The following PI4KA variants were observed in gnomAD, a reference collection of about 807,000 sequenced individuals.
The protein encoded by PI4KA is phosphatidylinositol 4-kinase alpha, also known as PI4-kinase alpha.
In PI4KA, 122 loss-of-function variants were observed where a neutral mutation model predicts 271.4. The observed-to-expected ratio is 0.45, with a 90% CI of 0.39 to 0.52. The LOEUF (loss-of-function observed/expected upper bound fraction) is 0.52. Among genes scored for constraint, PI4KA ranks in the 20% least tolerant of loss-of-function variants. PI4KA has a pLI of 0.00. For missense variants in PI4KA, 1,969 were observed against 2,769.1 expected, an observed-to-expected ratio of 0.71 and a Z score of 6.48; for synonymous variants, 1,041 against 1,078.8, an observed-to-expected ratio of 0.96 and a Z score of 0.69.
rs121912420 is a variant in PI4KA at position 20,786,951 on chromosome 22, C to T, written c.2328+6242G>A. 4.3e-6 allele frequency: 7 copies of T among 1,613,988 alleles called. No individual in the cohort carries two copies. In the Admixed American group the frequency reaches 5.0e-5, roughly 12 times the overall value. ...ACTGTGACCACGGTGGGGTTCATGC[C>T]GCTGTCCACCCAAGTCCGCTTCACT... On this transcript the variant is annotated intron_variant, in intron 19 of 54. Transcript: ENST00000255882.
intron 32 of PI4KA, among the ~76,000 whole-genome samples, chr22:20,739,122 G>A (rs2147272337): frequency 6.6e-6 from 1 of 151,240 alleles, no homozygotes; most frequent in South Asian, 2.1e-4. Context: ...GAGGCGGGCG[G>A]ATCACAAGGT....
chr22:20,838,660 A>G lies in PI4KA; in HGVS notation c.228T>C (p.Asp76=), dbSNP rs754135152. The change falls in exon 2 of 55, where the codon GAT becomes GAC. Residue 76 remains aspartate (D), a synonymous_variant. Transcript: ENST00000255882. ...GAAAAATGCCCAATGCAATCACTGC[A>G]TCTCTCCGTCTTTCATCTAACTGGA... is the stretch of plus-strand genomic sequence containing the variant. ...GIFQLDERRR[D]AVIALGIFLI... is the part of the protein sequence containing the mutation. The G allele has an allele frequency of 1.9e-6, 3 of 1,613,010 alleles. No homozygotes were observed. Among genetic ancestry groups the G allele is most frequent in the African/African-American group, 2.7e-5 (2 of 74,926 alleles).
chr22:20,756,653 C>T lies in PI4KA; in HGVS notation c.2792-3473G>A, dbSNP rs535955642. ...ATTAAAAAAAATTTTTTTTTTGAGA[C>T]GTAGTCTTGCTCTGTTGCCCAGGCT... On this transcript the variant is annotated intron_variant, in intron 23 of 54. Coordinates refer to ENST00000255882, the MANE Select transcript of PI4KA (RefSeq NM_058004.4). 1.8e-4 allele frequency among the ~76,000 whole-genome samples: 27 copies of T among 149,868 alleles called. 1 individual carries two copies. The highest frequency in any genetic ancestry group is 2.8e-4 in the Non-Finnish European group (19 of 67,340).
At position 20,840,046 on chromosome 22, in the gene PI4KA, C is replaced by T. The variant is rs371709866; in HGVS notation, c.157-1315G>A. ...CAAAGCCTATGTACTTTGCTCTGTC[C>T]TATGCAATACTTTATCAATACCCTG... On this transcript the variant is annotated intron_variant, in intron 1 of 54. Transcript: ENST00000255882. 2.0e-4 allele frequency among the ~76,000 whole-genome samples: 30 copies of T among 152,250 alleles called. No homozygotes were observed. The East Asian group carries it at 5.0e-3, about 25-fold the overall frequency.
chr22:20,746,061 A>ATT (rs58307079), intron 29 of PI4KA, among the ~76,000 whole-genome samples: 4 of 71,606 alleles, frequency 5.6e-5, no homozygotes, highest in East Asian at 4.1e-4. Flanking sequence ...AAAAAAAAGA[A>ATT]TTTTTTTTTT....
intron 43 of PI4KA, among the ~76,000 whole-genome samples, chr22:20,720,779 T>C (rs568997526): frequency 1.3e-5 from 2 of 152,298 alleles, no homozygotes; most frequent in South Asian, 2.1e-4. Flanking sequence ...TTGGGGAAAG[T>C]TATTTTCCCA....
intron 19 of PI4KA, among the ~76,000 whole-genome samples, chr22:20,791,830 G>A (rs1441372744): frequency 6.6e-6 from 1 of 152,190 alleles, no homozygotes; most frequent in Non-Finnish European, 1.5e-5. Context: ...GCCGGGCGCG[G>A]CAGCTCATAC....
rs1483536075 is a variant in PI4KA, at chr22:20,751,617, GC to G, written c.3069+56del. 3.6e-6 allele frequency: 5 copies of G among 1,397,816 alleles called. No homozygotes were observed. In the African/African-American group the frequency reaches 7.1e-5, roughly 20 times the overall value. The allele number at this position is 1,397,816 out of a possible 1,614,324, so 86.6% of individuals were successfully genotyped here. A position where few individuals can be genotyped will look rare whatever the true frequency, so the allele number is the denominator to read the frequency against. On this transcript the variant is annotated intron_variant, in intron 26 of 54. Coordinates refer to ENST00000255882, the MANE Select transcript of PI4KA (RefSeq NM_058004.4). Reference sequence around the variant, plus strand: ...CCACAACACAGGGCGGACAGGGCCGGCGGGGTGGTGGTAGAGCGGGTGGTGT... The same window carrying G: ...CCACAACACAGGGCGGACAGGGCCGGGGGGTGGTGGTAGAGCGGGTGGTGT...
chr22:20,796,791 C>G (rs1935012347), intron 17 of PI4KA, among the ~76,000 whole-genome samples: 2 of 152,228 alleles, frequency 1.3e-5, no homozygotes, highest in African/African-American at 2.4e-5. Flanking sequence ...GAGCTGATGT[C>G]AGTATTTTTT....
intron 1 of PI4KA, among the ~76,000 whole-genome samples, chr22:20,852,914 G>T (rs1806113553): frequency 6.6e-6 from 1 of 152,186 alleles, no homozygotes; most frequent in Admixed American, 6.6e-5. Context: ...GGAGGGTTCA[G>T]CCTGTCCCTA....
At chr22:20,791,962 G>A (rs1478798745) in intron 19 of PI4KA, among the ~76,000 whole-genome samples, 1 of 152,022 alleles carries the variant, frequency 6.6e-6, no homozygotes, top group African/African-American at 2.4e-5. Flanking sequence ...TTAGCCATGC[G>A]TGGTAGGGCG....
At chr22:20,847,494 G>A (rs954288738) in intron 1 of PI4KA, among the ~76,000 whole-genome samples, 2 of 152,126 alleles carry the variant, frequency 1.3e-5, no homozygotes, top group Admixed American at 6.5e-5. Flanking sequence ...GGAGGCTGAG[G>A]CGGGTGGATC....
At chr22:20,800,345 T>C (rs1935223996) in intron 14 of PI4KA, among the ~76,000 whole-genome samples, 1 of 152,124 alleles carries the variant, frequency 6.6e-6, no homozygotes, top group Admixed American at 6.6e-5. Flanking sequence ...AGTATTTGCA[T>C]GGAAATCAGA....
intron 14 of PI4KA, among the ~76,000 whole-genome samples, chr22:20,800,896 CT>C (rs361649): frequency 2.3e-4 from 31 of 133,998 alleles, no homozygotes; most frequent in Non-Finnish European, 2.4e-4. Context: ...GGAAGAATTT[CT>C]TTTTTTTTTT....
At position 20,779,196 on chromosome 22, in the gene PI4KA, C is replaced by T. The variant is rs957758085; in HGVS notation, c.2329-13503G>A. 1.3e-5 allele frequency: 21 copies of T among 1,592,712 alleles called. No homozygotes were observed. The Admixed American group carries it at 2.4e-4, about 18-fold the overall frequency. ...AGTTAAGAACTAATGCTGTGAGGGCCTCTTCCTGGGTCAAAGCCACAGGGA... is the reference window on the plus strand; with the variant it reads ...AGTTAAGAACTAATGCTGTGAGGGCTTCTTCCTGGGTCAAAGCCACAGGGA... On this transcript the variant is annotated intron_variant, in intron 19 of 54. Transcript: ENST00000255882.
intron 28 of PI4KA, among the ~76,000 whole-genome samples, chr22:20,748,587 C>T (rs1026779303): frequency 1.3e-5 from 2 of 152,140 alleles, no homozygotes; most frequent in African/African-American, 4.8e-5. Flanking sequence ...ACAAGGGTCT[C>T]GAGGGTGGGG....
chr22:20,785,912 A>T, intron 19 of PI4KA: 1 of 1,548,102 alleles, frequency 6.5e-7, no homozygotes, highest in Admixed American at 1.7e-5. Context: ...TTCTGTGATA[A>T]ATATAACCCG....
At chr22:20,724,623 CA>C (rs1009814082) in intron 42 of PI4KA, among the ~76,000 whole-genome samples, 5 of 151,274 alleles carry the variant, frequency 3.3e-5, no homozygotes, top group African/African-American at 4.9e-5. Context: ...ACAAAACGAA[CA>C]AAAAAAAATT....
intron 29 of PI4KA, among the ~76,000 whole-genome samples, chr22:20,746,200 C>T (rs1242427641): frequency 1.3e-5 from 2 of 151,194 alleles, no homozygotes; most frequent in Non-Finnish European, 2.9e-5. Flanking sequence ...GTAGCTGGGA[C>T]TACAGGCGCC....
Sources: gnomAD v4.1 joint callset for allele counts (sites outside exome capture counted in the v4.1 genomes callset) on GRCh38, gnomAD v4.1.1 for gene constraint, MANE v1.5 for transcripts, NCBI Gene and HGNC (gene_info 2026-07-23, HGNC 2026-07-21) for gene names.